Variants in NCAPD3 observed in about 807,000 individuals in gnomAD.
The protein encoded by NCAPD3 is non-SMC condensin II complex subunit D3.
NCAPD3 carries 105 observed loss-of-function variants against 182.9 expected under a neutral mutation model. That is an observed-to-expected ratio of 0.57 (90% CI 0.49 to 0.68). The LOEUF is 0.68. NCAPD3 is among the 30% of genes least tolerant of loss of function. The pLI is 0.00. For missense variants in NCAPD3, 1,944 were observed against 1,837.0 expected (o/e 1.06, Z -1.07); for synonymous variants, 815 against 679.9 (o/e 1.20, Z -3.09).
At chr11:134,194,178 G>A (rs757827304) in intron 14 of NCAPD3, 28 bp from the exon 15 acceptor site, 1 of 1,606,586 alleles carries the variant, frequency 6.2e-7, no homozygotes, top group South Asian at 1.1e-5. Context: ...AACATGAACT[G>A]TTAACTGCAT....
Position 134,152,519 on chromosome 11 carries a change from G to C in NCAPD3, c.*425C>G, listed in dbSNP as rs992538039. On this transcript the variant is annotated 3_prime_UTR_variant, in exon 35 of 35. Transcript: ENST00000534548. The stretch of plus-strand genomic sequence containing the variant: ...AAAAAATTTGCACTTATAAATAATA[G>C]AAAAAATATTAGAATCAAAATTTCG... 1.9e-5 allele frequency: 3 copies of C among 154,106 alleles called. No homozygotes were observed. Among genetic ancestry groups the C allele is most frequent in the Middle Eastern group, 3.0e-3 (1 of 332 alleles). The allele number at this position is 154,106 out of a possible 1,614,324, so 9.5% of individuals were successfully genotyped here.
intron 32 of NCAPD3, chr11:134,153,685 A>C: frequency 2.5e-6 from 1 of 401,028 alleles, no homozygotes; most frequent in Non-Finnish European, 4.7e-6. Flanking sequence ...TGTCCCACTT[A>C]CTACACCTCC....
intron 16 of NCAPD3, among the ~76,000 whole-genome samples, chr11:134,188,210 T>C (rs1010122770): frequency 1.3e-5 from 2 of 152,022 alleles, no homozygotes; most frequent in East Asian, 3.9e-4. Flanking sequence ...ATTAGCACTC[T>C]GTAAAAACAC....
chr11:134,206,488 A>T, intron 8 of NCAPD3, 111 bp downstream of exon 8: 1 of 1,439,502 alleles, frequency 6.9e-7, no homozygotes, highest in Non-Finnish European at 9.5e-7. Flanking sequence ...CACCCCCAAA[A>T]CCACCATCAG....
intron 32 of NCAPD3, 175 bp downstream of exon 32, chr11:134,156,843 C>T: frequency 3.5e-6 from 2 of 564,076 alleles, no homozygotes; most frequent in South Asian, 5.2e-5. Flanking sequence ...TCGGTCAGTG[C>T]TCATGGATCA....
chr11:134,164,821 TG>T (rs1206559794), intron 27 of NCAPD3, among the ~76,000 whole-genome samples: 2 of 145,184 alleles, frequency 1.4e-5, no homozygotes, highest in African/African-American at 5.2e-5. Flanking sequence ...ACTCATGAAA[TG>T]ACCTTAGGGG....
At chr11:134,183,220 G>A in intron 19 of NCAPD3, 1 of 454,466 alleles carries the variant, frequency 2.2e-6, no homozygotes, top group Non-Finnish European at 4.4e-6. Flanking sequence ...CCGGTAGTAA[G>A]TTGTGTACCA....
At position 134,168,077 on chromosome 11, in the gene NCAPD3, G is replaced by A. The variant is rs1219678496; in HGVS notation, c.3492C>T (p.Asp1164=). Reference sequence around the variant, plus strand: ...CATCTTCTTCCATAAGGAGGTCTTTGTCTGGTTTAGATCTCATTGCCAAAA... The same window carrying A: ...CATCTTCTTCCATAAGGAGGTCTTTATCTGGTTTAGATCTCATTGCCAAAA... The part of the protein sequence containing the change: ...IKLLAMRSKP[D]KDLLMEEDDM... The change falls in exon 27 of 35, where the codon GAC becomes GAT. Residue 1164 remains aspartate (D), a synonymous_variant. Coordinates refer to ENST00000534548, the MANE Select transcript of NCAPD3 (RefSeq NM_015261.3). The A allele has an allele frequency of 6.2e-7, 1 of 1,614,148 alleles. No homozygotes were observed. The highest frequency in any genetic ancestry group is 8.5e-7 in the Non-Finnish European group (1 of 1,179,986).
chr11:134,219,588 ATTTT>A (rs908143761), intron 2 of NCAPD3, among the ~76,000 whole-genome samples: 1 of 151,518 alleles, frequency 6.6e-6, no homozygotes, highest in Non-Finnish European at 1.5e-5. Context: ...TTGGAAGTGA[ATTTT>A]TTTTTGTTCA....
At chr11:134,164,206 ATTCT>A (rs576562384) in intron 27 of NCAPD3, among the ~76,000 whole-genome samples, 74 of 152,308 alleles carry the variant, frequency 4.9e-4, no homozygotes, top group African/African-American at 1.6e-3. Flanking sequence ...TCAGATCCAA[ATTCT>A]ACACTTCCTG....
chr11:134,169,551 A>C (rs1943956166), intron 24 of NCAPD3, among the ~76,000 whole-genome samples: 1 of 152,234 alleles, frequency 6.6e-6, no homozygotes, highest in Non-Finnish European at 1.5e-5. Flanking sequence ...AGAGCTTCAC[A>C]GTTTGGATCA....
At chr11:134,176,736 C>T (rs1407549913) in intron 23 of NCAPD3, among the ~76,000 whole-genome samples, 1 of 152,200 alleles carries the variant, frequency 6.6e-6, no homozygotes, top group Non-Finnish European at 1.5e-5. Context: ...CAAACATGGG[C>T]TCTCAGTGTG....
rs1180399087 is a variant in NCAPD3 at position 134,178,946 on chromosome 11, T to C, written c.2560-10A>G. Reference sequence around the variant, plus strand: ...TAAAAATGTACTTCACCTACAAAGATAATTGGTTTTACAGTAAAAATAAGG... The same window carrying C: ...TAAAAATGTACTTCACCTACAAAGACAATTGGTTTTACAGTAAAAATAAGG... On this transcript the variant is annotated splice_polypyrimidine_tract_variant and intron_variant, in intron 20 of 34. Coordinates refer to ENST00000534548, the MANE Select transcript of NCAPD3 (RefSeq NM_015261.3). The C allele has an allele frequency of 6.3e-7, 1 of 1,592,558 alleles. No individual in the cohort carries two copies. Among genetic ancestry groups the C allele is most frequent in the Non-Finnish European group, 8.6e-7 (1 of 1,161,012 alleles).
At chr11:134,164,769 G>C (rs781602485) in intron 27 of NCAPD3, among the ~76,000 whole-genome samples, 11 of 150,580 alleles carry the variant, frequency 7.3e-5, no homozygotes, top group Non-Finnish European at 1.5e-5. Context: ...CATGAGCTTG[G>C]GGGAGCTGCA....
chr11:134,202,308 C>T (rs1323122006), intron 13 of NCAPD3, among the ~76,000 whole-genome samples: 1 of 152,166 alleles, frequency 6.6e-6, no homozygotes, highest in Non-Finnish European at 1.5e-5. Flanking sequence ...AACCGGAAAA[C>T]GACAGGTATA....
At chr11:134,159,770 G>A (rs1364430852) in intron 29 of NCAPD3, 122 bp downstream of exon 29, 5 of 1,061,696 alleles carry the variant, frequency 4.7e-6, no homozygotes, top group African/African-American at 1.6e-5. Context: ...CAGCACTCTC[G>A]AGGCCTTCGG....
At chr11:134,173,943 A>C (rs1051718078) in intron 24 of NCAPD3, among the ~76,000 whole-genome samples, 4 of 151,830 alleles carry the variant, frequency 2.6e-5, no homozygotes, top group Non-Finnish European at 5.9e-5. Context: ...CCTGGGCGAC[A>C]GAACAAGACT....
rs1425754274 is a variant in NCAPD3, at chr11:134,219,397, C to G, written c.219+1175G>C. On this transcript the variant is annotated intron_variant, in intron 2 of 34. Transcript: ENST00000534548. ...CACCCCCTGCAACTGCATGTGGCTG[C>G]TAGACCTACTTTGGCTAGTGTTCAA... is the stretch of plus-strand genomic sequence containing the variant. 2.0e-5 allele frequency among the ~76,000 whole-genome samples: 3 copies of G among 152,304 alleles called. No individual in the cohort carries two copies. The East Asian group carries it at 5.8e-4, about 29-fold the overall frequency.
chr11:134,221,322 C>T (rs192909596), intron 1 of NCAPD3, among the ~76,000 whole-genome samples: 2 of 152,094 alleles, frequency 1.3e-5, no homozygotes, highest in East Asian at 3.9e-4. Context: ...TGGATTCCAC[C>T]AATCTCTCTT....
Sources: allele counts gnomAD v4.1 joint callset (sites outside exome capture counted in the v4.1 genomes callset), GRCh38; gene constraint gnomAD v4.1.1; transcripts MANE v1.5; gene names NCBI Gene and HGNC (gene_info 2026-07-23, HGNC 2026-07-21).